The following TECTA variants were observed in gnomAD, a reference collection of about 807,000 sequenced individuals.
The protein encoded by TECTA is alpha-tectorin.
TECTA carries 128 observed loss-of-function variants against 216.8 expected under a neutral mutation model. That is an observed-to-expected ratio of 0.59 (90% CI 0.51 to 0.68). The LOEUF (loss-of-function observed/expected upper bound fraction) is 0.68. TECTA is among the 30% of genes least tolerant of loss of function. TECTA has a pLI of 0.00. For synonymous variants in TECTA, 1,089 were observed against 1,117.1 expected, an observed-to-expected ratio of 0.97 and a Z score of 0.50; for missense variants, 2,551 against 2,786.2, an observed-to-expected ratio of 0.92 and a Z score of 1.90.
intron 12 of TECTA, among the ~76,000 whole-genome samples, chr11:121,147,316 A>C (rs1946847695): frequency 6.6e-6 from 1 of 152,180 alleles, no homozygotes; most frequent in Admixed American, 6.5e-5. Flanking sequence ...CAGATGAAAA[A>C]CCAGAAACAG....
At chr11:121,184,506 C>T (rs111982661) in intron 20 of TECTA, among the ~76,000 whole-genome samples, 5,016 of 152,294 alleles carry the variant, frequency 0.033, 89 homozygotes, top group Non-Finnish European at 0.051. Flanking sequence ...CTGTGGTGGT[C>T]AGAGAGTGCT....
intron 20 of TECTA, among the ~76,000 whole-genome samples, chr11:121,185,523 C>G (rs879188533): frequency 6.4e-3 from 531 of 83,022 alleles, no homozygotes; most frequent in South Asian, 0.015. Context: ...AGCAGATGTT[C>G]AATGCTTAAT....
chr11:121,102,622 G>T, intron 1 of TECTA, 43 bp from the exon 2 acceptor site: 2 of 1,533,032 alleles, frequency 1.3e-6, no homozygotes, highest in Non-Finnish European at 9.0e-7. Flanking sequence ...GTTTACTCTG[G>T]CAAGCTGGGG....
chr11:121,140,510 T>C (rs1226685969), intron 11 of TECTA, among the ~76,000 whole-genome samples: 1 of 152,178 alleles, frequency 6.6e-6, no homozygotes, highest in Non-Finnish European at 1.5e-5. Flanking sequence ...TGTGAATTAG[T>C]TTATTAAGGG....
chr11:121,175,921 T>C (rs1196795495), intron 20 of TECTA, among the ~76,000 whole-genome samples: 2 of 152,210 alleles, frequency 1.3e-5, no homozygotes, highest in Non-Finnish European at 2.9e-5. Flanking sequence ...TCTTGTTGAA[T>C]TGATCCCTTT....
intron 12 of TECTA, among the ~76,000 whole-genome samples, chr11:121,148,899 C>T (rs1171460948): frequency 6.6e-6 from 1 of 152,236 alleles, no homozygotes; most frequent in South Asian, 2.1e-4. Context: ...ACTAGCCTCT[C>T]CTTAAAATTC....
In TECTA at chr11:121,128,082, A is replaced by T; in HGVS notation, c.2105A>T (p.Tyr702Phe). 6.2e-7 allele frequency: 1 copy of T among 1,612,852 alleles called. No individual in the cohort carries two copies. The highest frequency in any genetic ancestry group is 8.5e-7 in the Non-Finnish European group (1 of 1,179,654). The change falls in exon 9 of 24, where the codon TAC (tyrosine) becomes TTC (phenylalanine). Residue 702 changes from tyrosine to phenylalanine, a missense_variant. By Grantham distance (22) the Tyr-to-Phe change is conservative. Transcript: ENST00000392793. The stretch of plus-strand genomic sequence containing the variant: ...GAGGTGTGCGCCGTGGAGGACGGCT[A>T]CCAGGGCTGCTTCCCCAAGCGGGAG... ...SGEVCAVEDG[Y>F]QGCFPKRETV...
Position 121,157,828 on chromosome 11 carries a change from G to A in TECTA, c.4306-13G>A, listed in dbSNP as rs1565532763. ...ACAGTCTGAATTTAATGCAAACGGC[G>A]CCTCTCTTCCAGCCCAAGCAGCTAT... is the stretch of plus-strand genomic sequence containing the variant. On this transcript the variant is annotated splice_polypyrimidine_tract_variant and intron_variant, in intron 13 of 23. Coordinates refer to ENST00000392793, the MANE Select transcript of TECTA (RefSeq NM_005422.4). The A allele has an allele frequency of 1.9e-6, 3 of 1,613,250 alleles. No homozygotes were observed. Among genetic ancestry groups the A allele is most frequent in the Non-Finnish European group, 2.5e-6 (3 of 1,180,026 alleles).
Position 121,145,715 on chromosome 11 carries a change from A to G in TECTA, c.3704A>G (p.Asn1235Ser), listed in dbSNP as rs200852252. 103 of 1,614,230 alleles carry G rather than the reference A, an allele frequency of 6.4e-5. No homozygotes were observed. In the African/African-American group the frequency reaches 9.2e-4, roughly 14 times the overall value. ...LSITVPRSMQ[N>S]STYGLCGRYN... Reference sequence around the variant, plus strand: ...ATCACAGTCCCTCGGAGCATGCAGAACAGCACCTATGGTCTGTGTGGCCGC... The same window carrying G: ...ATCACAGTCCCTCGGAGCATGCAGAGCAGCACCTATGGTCTGTGTGGCCGC... Residue 1235 changes from asparagine to serine, a missense_variant, in exon 12 of 24, where the codon AAC becomes AGC. Physicochemically the swap from Asn to Ser is conservative, Grantham distance 46. Transcript: ENST00000392793.
intron 4 of TECTA, among the ~76,000 whole-genome samples, chr11:121,112,722 C>T (rs1946453679): frequency 6.6e-6 from 1 of 152,174 alleles, no homozygotes; most frequent in Admixed American, 6.5e-5. Flanking sequence ...CCGAGTCTTT[C>T]CTGTAGTTTA....
chr11:121,113,209 G>A lies in TECTA; in HGVS notation c.624G>A (p.Gln208=). 1.2e-6 allele frequency: 2 copies of A among 1,613,962 alleles called. No homozygotes were observed. The highest frequency in any genetic ancestry group is 1.7e-6 in the Non-Finnish European group (2 of 1,180,004). The change falls in exon 5 of 24, where the codon CAG becomes CAA. Residue 208 remains glutamine, a splice_region_variant and synonymous_variant. Coordinates refer to ENST00000392793, the MANE Select transcript of TECTA (RefSeq NM_005422.4). This position sits in a 1 kb window ranked among gnomAD's most constrained non-coding sequence, Gnocchi z 4.2. ...CAGGTCTTGGTGGAGTGATGGCACA[G>A]GTAGGTGGCTCTCCACTTCATCCCC... ...PLTGLGGVMA[Q]AGFNGGNLTN...
At chr11:121,174,666 TCTCTGCCTG>T (rs1947147035) in intron 20 of TECTA, among the ~76,000 whole-genome samples, 1 of 152,344 alleles carries the variant, frequency 6.6e-6, no homozygotes, top group South Asian at 2.1e-4. Flanking sequence ...TTTGGTTGTG[TCTCTGCCTG>T]GCTTTGGTAT....
chr11:121,163,610 A>G (rs1339613588), intron 16 of TECTA, among the ~76,000 whole-genome samples: 1 of 152,256 alleles, frequency 6.6e-6, no homozygotes, highest in Non-Finnish European at 1.5e-5. Context: ...AATAATAAGA[A>G]GAAGAATAAG....
Position 121,190,799 on chromosome 11 carries a change from C to A in TECTA, c.6461C>A (p.Thr2154Asn). The stretch of plus-strand genomic sequence containing the variant: ...CATTTTGTCTATAAATCAGGCACGA[C>A]CTCATAATTAACTCAAGGTTGCTAT... ...LWHFVYKSGT[T>N]S The change falls in exon 24 of 24, where the codon ACC (threonine) becomes AAC (asparagine). Residue 2154 changes from threonine to asparagine, a missense_variant. Physicochemically the swap from Thr to Asn is moderately conservative, Grantham distance 65. Around this residue, in one of 3 missense-constraint regions of TECTA, gnomAD observed 118 missense variants for 116.4 expected, o/e 1.01. Transcript: ENST00000392793. 1 of 1,610,224 alleles carries A rather than the reference C, an allele frequency of 6.2e-7. No individual in the cohort carries two copies. The highest frequency in any genetic ancestry group is 8.5e-7 in the Non-Finnish European group (1 of 1,177,218).
chr11:121,109,241 G>C lies in TECTA; in HGVS notation c.229G>C (p.Val77Leu). ...VNNNGVVSFN[V>L]LVSQFTPESF... ...TAACAACGGAGTTGTTTCCTTCAAT[G>C]TGCTAGTGAGCCAGTTCACGCCAGA... The change falls in exon 4 of 24, where the codon GTG (valine) becomes CTG (leucine). Residue 77 changes from valine (V) to leucine (L), a missense_variant. Transcript: ENST00000392793. The C allele has an allele frequency of 1.2e-6, 2 of 1,614,152 alleles. No individual in the cohort carries two copies. The highest frequency in any genetic ancestry group is 1.3e-5 in the African/African-American group (1 of 75,038).
chr11:121,125,196 T>C (rs1012037310), intron 7 of TECTA, 106 bp from the exon 8 acceptor site: 1 of 1,186,676 alleles, frequency 8.4e-7, no homozygotes, highest in Non-Finnish European at 1.2e-6. Context: ...TAGGTGGCCA[T>C]TCTCTCTGGA....
chr11:121,161,486 A>G (rs1946997033), intron 15 of TECTA, among the ~76,000 whole-genome samples: 1 of 144,366 alleles, frequency 6.9e-6, no homozygotes, highest in African/African-American at 2.6e-5. Flanking sequence ...CCTCCTGAGG[A>G]ATTATGATTC....
chr11:121,102,931 T>C (rs1325168753), intron 2 of TECTA, among the ~76,000 whole-genome samples: 1 of 152,242 alleles, frequency 6.6e-6, no homozygotes, highest in Non-Finnish European at 1.5e-5. Context: ...TTTTTTCTTA[T>C]TTAACTTCAA....
At chr11:121,189,216 T>G (rs1947317415) in intron 22 of TECTA, 49 bp downstream of exon 22, 1 of 1,589,946 alleles carries the variant, frequency 6.3e-7, no homozygotes. Context: ...ACAACGGGAT[T>G]TCAAGGCTCA....
Sources: gnomAD v4.1 joint callset for allele counts (sites outside exome capture counted in the v4.1 genomes callset) on GRCh38, gnomAD v4.1.1 for gene constraint, gnomAD v4.1.1 regional missense constraint, Gnocchi (gnomAD v3.1) non-coding constraint, MANE v1.5 for transcripts, NCBI Gene and HGNC (gene_info 2026-07-23, HGNC 2026-07-21) for gene names.